Variants in HELZ observed in about 807,000 individuals in gnomAD.
The protein encoded by HELZ is helicase with zinc finger, also known as ATP-dependent RNA helicase with zinc finger domain.
Under a neutral mutation model 218.2 loss-of-function variants are expected in HELZ, and 23 were observed. That is an observed-to-expected ratio of 0.11 (90% CI 0.08 to 0.15). The LOEUF is 0.15. Ranked by LOEUF, HELZ falls within the 10% of genes least tolerant of loss-of-function variation. HELZ has a pLI of 1.00. For missense variants in HELZ, 1,813 were observed against 2,353.7 expected, an observed-to-expected ratio of 0.77 and a Z score of 4.75; for synonymous variants, 814 against 829.4, an observed-to-expected ratio of 0.98 and a Z score of 0.32.
At position 67,107,273 on chromosome 17, in the gene HELZ, G is replaced by C. The variant is rs372976921; in HGVS notation, c.5137C>G (p.Pro1713Ala). ...PPLPHRPPQN[P>A]FVQIQNHQHA... ...TGATGATTCTGTATTTGTACAAAAG[G>C]GTTCTGCGGTGGCCTGTGAGGCAAT... is the stretch of plus-strand genomic sequence containing the variant. Residue 1713 changes from proline to alanine, a missense_variant, in exon 31 of 33, where the codon CCT becomes GCT. Pro to Ala is a conservative substitution (Grantham distance 27, BLOSUM62 -1). Around this residue, in one of 4 missense-constraint regions of HELZ, gnomAD observed 938 missense variants for 1,027.5 expected, o/e 0.91. Coordinates refer to ENST00000358691, the MANE Select transcript of HELZ (RefSeq NM_014877.4). 9.3e-6 allele frequency: 15 copies of C among 1,614,078 alleles called. No homozygotes were observed. In the African/African-American group the frequency reaches 1.7e-4, roughly 19 times the overall value.
chr17:67,230,551 C>T (rs755329701), intron 3 of HELZ, among the ~76,000 whole-genome samples: 37 of 135,226 alleles, frequency 2.7e-4, no homozygotes, highest in Admixed American at 5.0e-4. Context: ...GAGCTAAGAT[C>T]GCGGCATTGT....
chr17:67,150,962 C>T (rs2038663591), intron 18 of HELZ, 84 bp downstream of exon 18: 1 of 1,163,696 alleles, frequency 8.6e-7, no homozygotes. Context: ...CCAGATTTGG[C>T]CCACACACTG....
chr17:67,170,550 G>C (rs1046791829), intron 13 of HELZ, among the ~76,000 whole-genome samples: 2 of 152,018 alleles, frequency 1.3e-5, no homozygotes, highest in African/African-American at 4.8e-5. Flanking sequence ...CAGGAGGCCA[G>C]GCATGGGGGC....
chr17:67,219,031 A>T (rs1022419068), intron 3 of HELZ, among the ~76,000 whole-genome samples: 5 of 152,354 alleles, frequency 3.3e-5, no homozygotes, highest in Non-Finnish European at 7.3e-5. Context: ...AGATTCAAGC[A>T]AAATGTCAAT....
At chr17:67,224,823 G>A (rs2040847399) in intron 3 of HELZ, 1 of 1,061,334 alleles carries the variant, frequency 9.4e-7, no homozygotes, top group Non-Finnish European at 1.4e-6. Flanking sequence ...AGGATTCTCT[G>A]TATGCCCAGG....
chr17:67,243,988 T>C lies in HELZ; in HGVS notation c.-131-149A>G, dbSNP rs924886273. ...TACAGTGTGCAGCTTTGCAAATGAG[T>C]CTGGTTTTTGACCTTAAAACATTTC... On this transcript the variant is annotated intron_variant, in intron 1 of 32. Transcript: ENST00000358691. The C allele has an allele frequency of 7.1e-6, 7 of 985,232 alleles. No homozygotes were observed. The African/African-American group carries it at 1.2e-4, about 17-fold the overall frequency. The allele number at this position is 985,232 out of a possible 1,614,324, so 61.0% of individuals were successfully genotyped here. A position where few individuals can be genotyped will look rare whatever the true frequency, so the allele number is the denominator to read the frequency against.
At chr17:67,215,392 A>G (rs1011167621) in intron 5 of HELZ, among the ~76,000 whole-genome samples, 2 of 144,430 alleles carry the variant, frequency 1.4e-5, no homozygotes, top group African/African-American at 5.1e-5. Flanking sequence ...TCTGTCGCCC[A>G]AGCTGGAGTG....
At chr17:67,244,731 C>A (rs1228917490) in intron 1 of HELZ, 2 of 983,798 alleles carry the variant, frequency 2.0e-6, no homozygotes, top group African/African-American at 3.5e-5. Context: ...GGGCATCGAG[C>A]GGGGCGTGGG....
intron 17 of HELZ, among the ~76,000 whole-genome samples, chr17:67,157,481 T>G (rs902579979): frequency 6.6e-6 from 1 of 152,240 alleles, no homozygotes; most frequent in Admixed American, 6.5e-5. Flanking sequence ...CTCTGTACTT[T>G]CATTTTGTGC....
At chr17:67,151,351 G>T in intron 17 of HELZ, 127 bp from the exon 18 acceptor site, 1 of 723,130 alleles carries the variant, frequency 1.4e-6, no homozygotes, top group Non-Finnish European at 2.3e-6. Flanking sequence ...TCTGGTAACC[G>T]TTAGCACTCT....
intron 5 of HELZ, 33 bp from the exon 6 acceptor site, chr17:67,203,476 T>C (rs2040220595): frequency 3.7e-6 from 6 of 1,608,702 alleles, no homozygotes; most frequent in Non-Finnish European, 5.1e-6. Flanking sequence ...ATTAACCATA[T>C]GACATTTAAT....
rs2037191634 is a variant in HELZ, at chr17:67,108,948, T to C, written c.4489+168A>G. ...AATGATGATCCTGACATCCACTGGA[T>C]ACTATCATACAGCATTTAGAACTAG... On this transcript the variant is annotated intron_variant, in intron 29 of 32. Transcript: ENST00000358691. The surrounding 1 kb of genome is among the most constrained non-coding windows in gnomAD (Gnocchi z 4.1). Among the ~76,000 whole-genome samples the C allele has an allele frequency of 1.3e-5, 2 of 152,216 alleles. No individual in the cohort carries two copies. The highest frequency in any genetic ancestry group is 2.9e-5 in the Non-Finnish European group (2 of 68,042).
chr17:67,089,710 CAG>C (rs1205033222), intron 31 of HELZ, among the ~76,000 whole-genome samples: 1 of 80,574 alleles, frequency 1.2e-5, no homozygotes, highest in Admixed American at 1.3e-4. Flanking sequence ...GACAGAGAGA[CAG>C]AGAGAGAGAC....
chr17:67,130,900 C>A lies in HELZ; in HGVS notation c.3183-2045G>T, dbSNP rs202005164. 4.5e-3 allele frequency among the ~76,000 whole-genome samples: 679 copies of A among 152,182 alleles called. 30 individuals carry two copies. The East Asian group carries it at 0.096, about 22-fold the overall frequency. On this transcript the variant is annotated intron_variant, in intron 23 of 32. Coordinates refer to ENST00000358691, the MANE Select transcript of HELZ (RefSeq NM_014877.4). ...TGTCTAGTTCAGTTATTTGTTTTTT[C>A]AGAGACAGGGTTGTGCTGTCACTCA...
intron 5 of HELZ, among the ~76,000 whole-genome samples, chr17:67,204,893 C>T (rs2143141575): frequency 6.6e-6 from 1 of 152,270 alleles, no homozygotes; most frequent in South Asian, 2.1e-4. Flanking sequence ...AAGTATTCAT[C>T]TCCCTCAGAT....
At chr17:67,139,106 T>C (rs1279870515) in intron 21 of HELZ, among the ~76,000 whole-genome samples, 1 of 151,788 alleles carries the variant, frequency 6.6e-6, no homozygotes, top group Non-Finnish European at 1.5e-5. Context: ...TAATTTATAA[T>C]ATTAAATATA....
chr17:67,191,598 C>T (rs914726305), intron 9 of HELZ, among the ~76,000 whole-genome samples: 8 of 151,696 alleles, frequency 5.3e-5, no homozygotes, highest in African/African-American at 1.7e-4. Flanking sequence ...ATTACAGGTG[C>T]CTGCCACCAC....
chr17:67,239,318 C>T (rs1388798744), intron 3 of HELZ, 115 bp downstream of exon 3: 1 of 152,212 alleles, frequency 6.6e-6, no homozygotes, highest in Non-Finnish European at 1.5e-5. Flanking sequence ...GGATCTGTGC[C>T]TTCAGGTTAC....
At chr17:67,122,903 A>G in intron 26 of HELZ, 67 bp downstream of exon 26, 1 of 1,215,112 alleles carries the variant, frequency 8.2e-7, no homozygotes, top group Non-Finnish European at 1.2e-6. Flanking sequence ...GCTATTTGGG[A>G]TTAGAACCAT....
Sources: gnomAD v4.1 joint callset for allele counts (sites outside exome capture counted in the v4.1 genomes callset) on GRCh38, gnomAD v4.1.1 for gene constraint, gnomAD v4.1.1 regional missense constraint, Gnocchi (gnomAD v3.1) non-coding constraint, MANE v1.5 for transcripts, NCBI Gene and HGNC (gene_info 2026-07-23, HGNC 2026-07-21) for gene names.